The following EXOC6B variants were observed in gnomAD, a reference collection of about 807,000 sequenced individuals.
The protein encoded by EXOC6B is SEC15 homolog B.
EXOC6B carries 54 observed loss-of-function variants against 113.5 expected under a neutral mutation model. The observed-to-expected ratio is 0.48, with a 90% CI of 0.38 to 0.60. The LOEUF (loss-of-function observed/expected upper bound fraction) is 0.60. EXOC6B is among the 20% of genes least tolerant of loss of function. The probability of loss-of-function intolerance (pLI) is 0.00; values close to 1 mark genes in which losing one functional copy is unlikely to be tolerated. For missense variants in EXOC6B, 797 were observed against 977.5 expected (o/e 0.82, Z 2.46); for synonymous variants, 357 against 339.0 (o/e 1.05, Z -0.58).
chr2:72,363,387 GAGAATT>G (rs1196674848), intron 19 of EXOC6B, among the ~76,000 whole-genome samples: 1 of 152,040 alleles, frequency 6.6e-6, no homozygotes, highest in Non-Finnish European at 1.5e-5. Flanking sequence ...TAATCAAGCC[GAGAATT>G]AGAAAATCAT....
At chr2:72,533,645 A>G (rs145238097) in intron 8 of EXOC6B, among the ~76,000 whole-genome samples, 1 of 152,282 alleles carries the variant, frequency 6.6e-6, no homozygotes, top group East Asian at 1.9e-4. Flanking sequence ...GTTCTTGCCA[A>G]TATTAGAAGG....
At chr2:72,460,856 G>T (rs1697596227) in intron 18 of EXOC6B, among the ~76,000 whole-genome samples, 1 of 151,498 alleles carries the variant, frequency 6.6e-6, no homozygotes, top group Non-Finnish European at 1.5e-5. Context: ...TCCCATTACT[G>T]GGTATATACC....
At chr2:72,398,207 T>C (rs1692877793) in intron 18 of EXOC6B, among the ~76,000 whole-genome samples, 2 of 152,308 alleles carry the variant, frequency 1.3e-5, no homozygotes, top group South Asian at 2.1e-4. Context: ...GTCAGAACTT[T>C]TCCTAACAGC....
intron 2 of EXOC6B, among the ~76,000 whole-genome samples, chr2:72,735,583 G>A (rs1680895524): frequency 6.6e-6 from 1 of 152,042 alleles, no homozygotes; most frequent in African/African-American, 2.4e-5. Context: ...GGGAGTCCTT[G>A]TCAGGTGGAT....
intron 20 of EXOC6B, among the ~76,000 whole-genome samples, chr2:72,235,944 C>T (rs1681933457): frequency 6.6e-6 from 1 of 152,102 alleles, no homozygotes; most frequent in Non-Finnish European, 1.5e-5. Flanking sequence ...CCTTTCAAGG[C>T]TAAAATAGCC....
chr2:72,698,091 A>G (rs1444413057), intron 6 of EXOC6B, among the ~76,000 whole-genome samples: 2 of 152,204 alleles, frequency 1.3e-5, no homozygotes, highest in East Asian at 3.9e-4. Flanking sequence ...AGCCAATGAA[A>G]GGAGAACCTT....
At chr2:72,711,509 T>C (rs1393214168) in intron 6 of EXOC6B, among the ~76,000 whole-genome samples, 1 of 152,200 alleles carries the variant, frequency 6.6e-6, no homozygotes, top group Non-Finnish European at 1.5e-5. Flanking sequence ...CCACAGAAGA[T>C]ATGTTCCAAG....
intron 18 of EXOC6B, among the ~76,000 whole-genome samples, chr2:72,421,796 C>T (rs1032302735): frequency 4.6e-5 from 7 of 152,212 alleles, no homozygotes; most frequent in African/African-American, 1.7e-4. Flanking sequence ...AAGGCTGGAG[C>T]CCACTCCCTC....
chr2:72,716,112 A>G (rs1473204026), intron 6 of EXOC6B, among the ~76,000 whole-genome samples: 1 of 152,192 alleles, frequency 6.6e-6, no homozygotes, highest in Non-Finnish European at 1.5e-5. Context: ...AGACCAACAG[A>G]ATATGGGTAG....
chr2:72,800,144 T>C (rs1002355295), intron 1 of EXOC6B, among the ~76,000 whole-genome samples: 3 of 152,154 alleles, frequency 2.0e-5, no homozygotes, highest in African/African-American at 7.2e-5. Context: ...AAATAATCGA[T>C]TTTAAAAAGT....
At chr2:72,666,425 A>G (rs1257208904) in intron 6 of EXOC6B, among the ~76,000 whole-genome samples, 9 of 152,190 alleles carry the variant, frequency 5.9e-5, no homozygotes, top group African/African-American at 2.2e-4. Context: ...TTTAAAAAAA[A>G]TTAAATCACC....
At chr2:72,333,934 G>A (rs1392595884) in intron 20 of EXOC6B, among the ~76,000 whole-genome samples, 4 of 152,050 alleles carry the variant, frequency 2.6e-5, no homozygotes, top group South Asian at 2.1e-4. Flanking sequence ...AGGAACTACC[G>A]ATACAAGGGG....
intron 1 of EXOC6B, among the ~76,000 whole-genome samples, chr2:72,744,509 C>T (rs1460461736): frequency 6.6e-6 from 1 of 152,140 alleles, no homozygotes; most frequent in Non-Finnish European, 1.5e-5. Context: ...ACTTTTCCCC[C>T]TTTCAAAGGA....
intron 19 of EXOC6B, among the ~76,000 whole-genome samples, chr2:72,357,337 G>A (rs1690023646): frequency 6.6e-6 from 1 of 152,136 alleles, no homozygotes; most frequent in African/African-American, 2.4e-5. Flanking sequence ...ATAGTTATGT[G>A]TTGTATAATG....
chr2:72,513,171 C>T lies in EXOC6B; in HGVS notation c.1128G>A (p.Met376Ile). 1 of 1,613,288 alleles carries T rather than the reference C, an allele frequency of 6.2e-7. No homozygotes were observed. The highest frequency in any genetic ancestry group is 8.5e-7 in the Non-Finnish European group (1 of 1,179,438). The change falls in exon 11 of 22, where the codon ATG becomes ATA. Residue 376 changes from methionine to isoleucine, a missense_variant. Physicochemically the swap from Met to Ile is conservative, Grantham distance 10. Coordinates refer to ENST00000272427, the MANE Select transcript of EXOC6B (RefSeq NM_015189.3). ...GTGCTGCGATGGTTTTTGAAAGTGC[C>T]ATTTCCCACAGTTCATCAATGTAGG... is the stretch of plus-strand genomic sequence containing the variant. ...NRAYIDELWE[M>I]ALSKTIAALR...
At chr2:72,793,086 CAT>C (rs1684766669) in intron 1 of EXOC6B, among the ~76,000 whole-genome samples, 1 of 152,060 alleles carries the variant, frequency 6.6e-6, no homozygotes, top group South Asian at 2.1e-4. Context: ...ATTTATCAAT[CAT>C]ATTATTTTTG....
intron 7 of EXOC6B, among the ~76,000 whole-genome samples, chr2:72,561,778 C>A: frequency 6.6e-6 from 1 of 152,218 alleles, no homozygotes; most frequent in Middle Eastern, 3.4e-3. Context: ...CGAATATTTA[C>A]AACCAAATCT....
chr2:72,661,824 A>T (rs1675038479), intron 6 of EXOC6B, among the ~76,000 whole-genome samples: 1 of 152,116 alleles, frequency 6.6e-6, no homozygotes, highest in South Asian at 2.1e-4. Flanking sequence ...TACAGTAATC[A>T]AGACACTGTA....
At position 72,674,702 on chromosome 2, in the gene EXOC6B, G is replaced by C. The variant is rs544274221; in HGVS notation, c.669+43401C>G. On this transcript the variant is annotated intron_variant, in intron 6 of 21. Coordinates refer to ENST00000272427, the MANE Select transcript of EXOC6B (RefSeq NM_015189.3). ...AAAAATTAGCCGGGCGTGGTGGCAGGCTCCTGTAGTCCCAGCTACTCAGGA... is the reference window on the plus strand; with the variant it reads ...AAAAATTAGCCGGGCGTGGTGGCAGCCTCCTGTAGTCCCAGCTACTCAGGA... Among the ~76,000 whole-genome samples the C allele has an allele frequency of 1.5e-4, 23 of 151,068 alleles. 2 individuals carry two copies. The highest frequency in any genetic ancestry group is 4.6e-4 in the African/African-American group (19 of 41,116).
Sources: allele counts gnomAD v4.1 joint callset (sites outside exome capture counted in the v4.1 genomes callset), GRCh38; gene constraint gnomAD v4.1.1; transcripts MANE v1.5; gene names NCBI Gene and HGNC (gene_info 2026-07-23, HGNC 2026-07-21).